Variants in DIPK1A observed in about 807,000 individuals in gnomAD.
DIPK1A encodes family with sequence similarity 69 member A.
In DIPK1A, 27 loss-of-function variants were observed where a neutral mutation model predicts 40.8. The ratio of observed to expected loss-of-function variants is 0.66; its 90% CI spans 0.49 to 0.91. The LOEUF is 0.91. DIPK1A is among the 40% of genes least tolerant of loss of function. The probability of loss-of-function intolerance (pLI) is 0.00; values close to 1 mark genes in which losing one functional copy is unlikely to be tolerated. For missense variants in DIPK1A, 412 were observed against 505.7 expected (o/e 0.81, Z 1.78); for synonymous variants, 166 against 171.3 (o/e 0.97, Z 0.24).
intron 1 of DIPK1A, among the ~76,000 whole-genome samples, chr1:92,925,886 G>C (rs887140394): frequency 6.6e-6 from 1 of 152,112 alleles, no homozygotes; most frequent in African/African-American, 2.4e-5. Context: ...CAAATTTATT[G>C]GTGTAAAGTT....
chr1:92,901,448 G>C (rs1265262840), intron 1 of DIPK1A, among the ~76,000 whole-genome samples: 1 of 152,056 alleles, frequency 6.6e-6, no homozygotes. Context: ...TGATTGTGAA[G>C]TACTCCCTAG....
chr1:92,842,890 T>C lies in DIPK1A; in HGVS notation c.*493A>G. The C allele has an allele frequency of 1.0e-6, 1 of 987,288 alleles. No homozygotes were observed. The allele number at this position is 987,288 out of a possible 1,614,324, so 61.2% of individuals were successfully genotyped here. ...GTCTTTAATACAGTAAACCATGCTA[T>C]TAACCCAACATCTGTTTTATAAAGA... On this transcript the variant is annotated 3_prime_UTR_variant, in exon 5 of 5. Coordinates refer to ENST00000370310, the MANE Select transcript of DIPK1A (RefSeq NM_001006605.5).
intron 2 of DIPK1A, among the ~76,000 whole-genome samples, chr1:92,862,017 T>A (rs1284470797): frequency 6.6e-6 from 1 of 152,172 alleles, no homozygotes; most frequent in Non-Finnish European, 1.5e-5. Context: ...TGAGCTCAAG[T>A]GAACCACCTG....
intron 1 of DIPK1A, among the ~76,000 whole-genome samples, chr1:92,958,623 T>A (rs1651938336): frequency 6.6e-6 from 1 of 152,224 alleles, no homozygotes; most frequent in Non-Finnish European, 1.5e-5. Flanking sequence ...AAATAATACA[T>A]TCATTCACAG....
intron 4 of DIPK1A, among the ~76,000 whole-genome samples, chr1:92,846,906 T>TACACAC (rs1306300299): frequency 1.3e-5 from 1 of 76,366 alleles, no homozygotes; most frequent in South Asian, 4.2e-4. Context: ...TATATATATA[T>TACACAC]ACGTGTATAT....
At chr1:92,864,800 A>G (rs1016697416) in intron 2 of DIPK1A, among the ~76,000 whole-genome samples, 1 of 152,054 alleles carries the variant, frequency 6.6e-6, no homozygotes, top group African/African-American at 2.4e-5. Flanking sequence ...AGCACTCGGG[A>G]AGGCCAAGGT....
chr1:92,834,898 G>T lies in DIPK1A; in HGVS notation c.475-1864C>A, dbSNP rs760490644. ...ATGCTGCAGCATATTGTACTGGCCT[G>T]CTGCTGGCCCGCAGGGTATGTACAA... On this transcript the variant is annotated intron_variant, in intron 4 of 4. Coordinates refer to the DIPK1A transcript ENST00000615519. 6.9e-6 allele frequency: 11 copies of T among 1,602,024 alleles called. No individual in the cohort carries two copies. The Admixed American group carries it at 1.2e-4, about 17-fold the overall frequency.
chr1:92,884,242 T>A (rs1169841360), intron 1 of DIPK1A, among the ~76,000 whole-genome samples: 4 of 151,944 alleles, frequency 2.6e-5, no homozygotes, highest in African/African-American at 9.7e-5. Context: ...AGCTCAGGAG[T>A]TTGAGACCAG....
Position 92,924,487 on chromosome 1 carries a change from C to T in DIPK1A, c.54+36889G>A, listed in dbSNP as rs150598124. 4.6e-5 allele frequency among the ~76,000 whole-genome samples: 7 copies of T among 152,000 alleles called. No individual in the cohort carries two copies. In the East Asian group the frequency reaches 5.8e-4, roughly 13 times the overall value. On this transcript the variant is annotated intron_variant, in intron 1 of 4. Coordinates refer to ENST00000370310, the MANE Select transcript of DIPK1A (RefSeq NM_001006605.5). ...GAACTGAAAAAAGAGGGAGTGAATG[C>T]GGGAATAGAAGACAAAGACAAAACA...
chr1:92,849,515 TA>T (rs896789049), intron 3 of DIPK1A, among the ~76,000 whole-genome samples: 1 of 151,712 alleles, frequency 6.6e-6, no homozygotes, highest in African/African-American at 2.4e-5. Context: ...ACCCAGCTAA[TA>T]CATATATATT....
intron 1 of DIPK1A, chr1:92,932,326 A>C: frequency 6.5e-6 from 1 of 154,234 alleles, no homozygotes; most frequent in South Asian, 2.0e-4. Context: ...CTGTAGTCCT[A>C]GCTACTCGGG....
At chr1:92,845,094 G>C (rs1687544651) in intron 4 of DIPK1A, among the ~76,000 whole-genome samples, 1 of 151,252 alleles carries the variant, frequency 6.6e-6, no homozygotes, top group South Asian at 2.1e-4. Context: ...ACAGGCGCCT[G>C]CCACCACGCC....
chr1:92,912,921 C>A (rs1649885560), intron 1 of DIPK1A, among the ~76,000 whole-genome samples: 1 of 151,482 alleles, frequency 6.6e-6, no homozygotes, highest in South Asian at 2.1e-4. Flanking sequence ...TGCAACACAG[C>A]AAGACCCTGT....
At chr1:92,878,220 A>G (rs972131903) in intron 1 of DIPK1A, among the ~76,000 whole-genome samples, 1 of 152,230 alleles carries the variant, frequency 6.6e-6, no homozygotes, top group African/African-American at 2.4e-5. Flanking sequence ...AATTACAAGA[A>G]GGGAAAAAAA....
rs570981009 is a variant in DIPK1A, at chr1:92,894,916, A to C, written c.55-18486T>G. ...CTAGAAAATCTGGAAGAAATGGATA[A>C]ATTCCTCGACACATACACCCTCCCA... On this transcript the variant is annotated intron_variant, in intron 1 of 4. Coordinates refer to ENST00000370310, the MANE Select transcript of DIPK1A (RefSeq NM_001006605.5). 1.2e-4 allele frequency among the ~76,000 whole-genome samples: 18 copies of C among 152,178 alleles called. No homozygotes were observed. The East Asian group carries it at 3.1e-3, about 26-fold the overall frequency.
intron 1 of DIPK1A, among the ~76,000 whole-genome samples, chr1:92,905,778 C>A (rs1649596368): frequency 1.3e-5 from 2 of 152,052 alleles, no homozygotes; most frequent in African/African-American, 2.4e-5. Flanking sequence ...AGTCTTTAAT[C>A]CATTTTGATT....
At chr1:92,926,126 T>C (rs1650495467) in intron 1 of DIPK1A, among the ~76,000 whole-genome samples, 1 of 152,206 alleles carries the variant, frequency 6.6e-6, no homozygotes, top group African/African-American at 2.4e-5. Flanking sequence ...TGCTTATTTT[T>C]TTCCACCTTC....
chr1:92,938,226 CAGGAGG>C (rs1651016929), intron 1 of DIPK1A, among the ~76,000 whole-genome samples: 19 of 151,102 alleles, frequency 1.3e-4, no homozygotes, highest in African/African-American at 4.6e-4. Context: ...CCCAGCTACT[CAGGAGG>C]CTGAGCCAGA....
chr1:92,837,477 T>C (rs985392468), downstream of DIPK1A: 2 of 1,613,304 alleles, frequency 1.2e-6, no homozygotes, highest in Admixed American at 1.7e-5. Context: ...TCCCTGGTTA[T>C]GATTCTGAAA....
Sources: gnomAD v4.1 joint callset for allele counts (sites outside exome capture counted in the v4.1 genomes callset) on GRCh38, gnomAD v4.1.1 for gene constraint, MANE v1.5 for transcripts, NCBI Gene and HGNC (gene_info 2026-07-23, HGNC 2026-07-21) for gene names.